The following AK7 variants were observed in gnomAD, a reference collection of about 807,000 sequenced individuals.
The protein encoded by AK7 is adenylate kinase 7.
A neutral mutation model predicts 96.6 loss-of-function variants in AK7; 78 were observed. The ratio of observed to expected loss-of-function variants is 0.81; its 90% CI spans 0.67 to 0.97. The LOEUF (loss-of-function observed/expected upper bound fraction) is 0.97, where lower values mean the gene tolerates loss of function less well. AK7 is among the 50% of genes least tolerant of loss of function. AK7 has a pLI of 0.00. For missense variants in AK7, 855 were observed against 887.9 expected (o/e 0.96, Z 0.47); for synonymous variants, 302 against 317.2 (o/e 0.95, Z 0.51).
chr14:96,436,304 G>A (rs1440003132), intron 5 of AK7, among the ~76,000 whole-genome samples: 1 of 152,100 alleles, frequency 6.6e-6, no homozygotes, highest in East Asian at 1.9e-4. Context: ...ATATTTGTGA[G>A]GTGAGATCAC....
At chr14:96,485,454 CTG>C (rs1250670361) in intron 16 of AK7, among the ~76,000 whole-genome samples, 2 of 152,200 alleles carry the variant, frequency 1.3e-5, no homozygotes, top group Non-Finnish European at 2.9e-5. Flanking sequence ...AAGCTCCTGT[CTG>C]TGTCTCAGTT....
At chr14:96,400,589 T>G (rs2139985807) in intron 2 of AK7, among the ~76,000 whole-genome samples, 1 of 152,330 alleles carries the variant, frequency 6.6e-6, no homozygotes, top group Middle Eastern at 3.4e-3. Context: ...AGGGATGACT[T>G]TATCTTCAGG....
chr14:96,451,393 A>G (rs371692761), intron 9 of AK7, 28 bp from the exon 10 acceptor site: 1 of 1,514,984 alleles, frequency 6.6e-7, no homozygotes, highest in Admixed American at 2.1e-5. Flanking sequence ...AAAAAAAGAC[A>G]AATCTCTAAT....
chr14:96,408,316 C>G (rs1428274240), intron 3 of AK7, among the ~76,000 whole-genome samples: 1 of 152,236 alleles, frequency 6.6e-6, no homozygotes, highest in Admixed American at 6.5e-5. Context: ...GCCTGGCACC[C>G]AGACAGCCTG....
At chr14:96,406,281 T>C (rs1240630435) in intron 3 of AK7, among the ~76,000 whole-genome samples, 4 of 152,180 alleles carry the variant, frequency 2.6e-5, no homozygotes, top group Admixed American at 6.5e-5. Context: ...ATTTCAGACA[T>C]TAACCACTGA....
At chr14:96,465,193 G>A (rs1016303257) in intron 12 of AK7, among the ~76,000 whole-genome samples, 12 of 152,218 alleles carry the variant, frequency 7.9e-5, no homozygotes, top group African/African-American at 2.9e-4. Context: ...CGGGTGCCGT[G>A]GCTCACGCCT....
At chr14:96,479,647 G>A (rs551620012) in intron 15 of AK7, among the ~76,000 whole-genome samples, 50 of 152,270 alleles carry the variant, frequency 3.3e-4, no homozygotes, top group African/African-American at 1.2e-3. Flanking sequence ...CCCGCATCAC[G>A]TCAGCCTCAT....
chr14:96,468,296 CT>C (rs67009492), intron 12 of AK7, among the ~76,000 whole-genome samples: 10,332 of 98,622 alleles, frequency 0.1, 172 homozygotes, highest in East Asian at 0.28. Flanking sequence ...GCACTCTTTC[CT>C]TTTTTTTTTT....
chr14:96,488,428 TC>T lies in AK7; in HGVS notation c.*87del. The stretch of plus-strand genomic sequence containing the variant: ...GAAAAATTGCTTTGAAAAATGCTTT[TC>T]CAGTTCTTAGAAAATTCTTTTTTTG... On this transcript the variant is annotated 3_prime_UTR_variant, in exon 18 of 18. Coordinates refer to ENST00000267584, the MANE Select transcript of AK7 (RefSeq NM_152327.5). 2 of 1,268,700 alleles carry T rather than the reference TC, an allele frequency of 1.6e-6. No individual in the cohort carries two copies. Among genetic ancestry groups the T allele is most frequent in the South Asian group, 1.5e-5 (1 of 68,786 alleles). 78.6% of individuals were successfully genotyped at this position (1,268,700 alleles called of 1,614,324 possible).
At chr14:96,444,528 C>G (rs1338604063) in intron 7 of AK7, among the ~76,000 whole-genome samples, 2 of 152,062 alleles carry the variant, frequency 1.3e-5, no homozygotes, top group African/African-American at 4.8e-5. Context: ...GCCAAAGTTC[C>G]AGTCACCAAA....
intron 4 of AK7, among the ~76,000 whole-genome samples, chr14:96,419,328 TA>T (rs930016725): frequency 6.6e-6 from 1 of 151,832 alleles, no homozygotes; most frequent in African/African-American, 2.4e-5. Flanking sequence ...CAATTTAGGT[TA>T]AAAAAAATAA....
chr14:96,395,053 T>TG (rs1027266141), intron 1 of AK7, among the ~76,000 whole-genome samples: 4 of 152,178 alleles, frequency 2.6e-5, no homozygotes, highest in Non-Finnish European at 5.9e-5. Flanking sequence ...TTTAGAGACA[T>TG]GGGTCTCATT....
intron 5 of AK7, chr14:96,424,326 T>G (rs1243099132): frequency 5.4e-6 from 2 of 369,044 alleles, no homozygotes; most frequent in Non-Finnish European, 1.0e-5. Context: ...GGGCTTACTG[T>G]GTTCTCAGTA....
intron 12 of AK7, among the ~76,000 whole-genome samples, chr14:96,459,661 C>T (rs766967444): frequency 3.3e-5 from 5 of 151,542 alleles, no homozygotes; most frequent in South Asian, 2.1e-4. Flanking sequence ...GGGTGGATCA[C>T]GAGGTCAGGA....
At chr14:96,413,324 C>T (rs1891150026) in intron 4 of AK7, among the ~76,000 whole-genome samples, 1 of 152,226 alleles carries the variant, frequency 6.6e-6, no homozygotes, top group South Asian at 2.1e-4. Flanking sequence ...CACCCTGCTC[C>T]AAACTTGTAG....
chr14:96,420,310 A>G (rs8017138), intron 4 of AK7, among the ~76,000 whole-genome samples: 43,097 of 151,258 alleles, frequency 0.28, 6,295 homozygotes, highest in Middle Eastern at 0.35. Flanking sequence ...CAGCCTGGCC[A>G]ACATGGCAAA....
chr14:96,468,214 CAA>C (rs71103532), intron 12 of AK7, among the ~76,000 whole-genome samples: 68 of 107,176 alleles, frequency 6.3e-4, no homozygotes, highest in Admixed American at 3.2e-3. Context: ...GACCCTGTCT[CAA>C]AAAAAAAAAA....
intron 12 of AK7, among the ~76,000 whole-genome samples, chr14:96,467,404 C>T (rs1013931395): frequency 6.6e-6 from 1 of 151,408 alleles, no homozygotes; most frequent in Non-Finnish European, 1.5e-5. Flanking sequence ...GGTGCAATCT[C>T]GGCTCACTGC....
intron 4 of AK7, among the ~76,000 whole-genome samples, chr14:96,418,983 C>T (rs891849101): frequency 6.6e-6 from 1 of 152,226 alleles, no homozygotes; most frequent in South Asian, 2.1e-4. Context: ...TGCTCCAACA[C>T]GGATCTCTGA....
Sources: allele counts gnomAD v4.1 joint callset (sites outside exome capture counted in the v4.1 genomes callset), GRCh38; gene constraint gnomAD v4.1.1; transcripts MANE v1.5; gene names NCBI Gene and HGNC (gene_info 2026-07-23, HGNC 2026-07-21).